Variants in HERC6 observed in about 807,000 individuals in gnomAD.
HERC6 encodes the protein probable E3 ubiquitin-protein ligase HERC6.
HERC6 carries 101 observed loss-of-function variants against 114.5 expected under a neutral mutation model. The ratio of observed to expected loss-of-function variants is 0.88; its 90% CI spans 0.75 to 1.04. The LOEUF (loss-of-function observed/expected upper bound fraction) is 1.04, where lower values mean the gene tolerates loss of function less well. Ranked by LOEUF, HERC6 falls within the 50% of genes least tolerant of loss-of-function variation. The probability of loss-of-function intolerance (pLI) is 0.00; values close to 1 mark genes in which losing one functional copy is unlikely to be tolerated. For missense variants in HERC6, 1,133 were observed against 1,230.9 expected (o/e 0.92, Z 1.19); for synonymous variants, 408 against 436.2 (o/e 0.94, Z 0.81).
rs1360093982 is a variant in HERC6 at position 88,390,676 on chromosome 4, A to G, written c.461A>G (p.Lys154Arg). The change falls in exon 4 of 23, where the codon AAG (lysine) becomes AGG (arginine). Residue 154 changes from lysine to arginine, a missense_variant. By Grantham distance (26) the Lys-to-Arg change is conservative (BLOSUM62 2). Coordinates refer to ENST00000264346, the MANE Select transcript of HERC6 (RefSeq NM_017912.4). ...GATAGCCAAGTGTTTTCGTGGGGAA[A>G]GAACAGCCATGGGCAGCTGGGCTTG... ...SKDSQVFSWGKNSHGQLGLGK... is the reference protein window; with the variant it reads ...SKDSQVFSWGRNSHGQLGLGK... 1 of 1,605,096 alleles carries G rather than the reference A, an allele frequency of 6.2e-7. No homozygotes were observed. The highest frequency in any genetic ancestry group is 2.2e-5 in the East Asian group (1 of 44,620).
intron 16 of HERC6, among the ~76,000 whole-genome samples, chr4:88,429,473 A>G (rs1004394625): frequency 5.3e-5 from 8 of 152,206 alleles, no homozygotes; most frequent in Non-Finnish European, 2.9e-5. Flanking sequence ...CTTCCACTAA[A>G]GACCTTCCAC....
chr4:88,383,772 A>T (rs1734441475), intron 2 of HERC6, among the ~76,000 whole-genome samples: 1 of 147,710 alleles, frequency 6.8e-6, no homozygotes. Context: ...TCAAAAAAAA[A>T]AAAAAAAAAA....
rs772150326 is a variant in HERC6, at chr4:88,435,808, T to A, written c.2334T>A (p.Pro778=). The part of the protein sequence containing the change: ...SLFNLNVANL[P]FPLALYKKLL... The stretch of plus-strand genomic sequence containing the variant: ...TCAATTTAAATGTTGCTAACCTTCC[T>A]TTCCCACTGGCTCTGTATAAAAAAC... The change falls in exon 18 of 23, where the codon CCT becomes CCA. Residue 778 remains proline (P), a synonymous_variant. Transcript: ENST00000264346. The A allele has an allele frequency of 1.2e-6, 2 of 1,612,578 alleles. No individual in the cohort carries two copies.
At chr4:88,436,792 T>TTATATTA in intron 18 of HERC6, 113 bp from the exon 19 acceptor site, 1 of 641,018 alleles carries the variant, frequency 1.6e-6, no homozygotes, top group Non-Finnish European at 2.5e-6. Context: ...GATAGGAAAT[T>TTATATTA]TATATTATAT....
At chr4:88,435,670 C>T in intron 17 of HERC6, 55 bp from the exon 18 acceptor site, 1 of 1,168,498 alleles carries the variant, frequency 8.6e-7, no homozygotes, top group Non-Finnish European at 1.1e-6. Flanking sequence ...TCTAATTATC[C>T]CTTTGTATTA....
chr4:88,429,463 C>T (rs1228027312), intron 16 of HERC6, among the ~76,000 whole-genome samples: 1 of 151,798 alleles, frequency 6.6e-6, no homozygotes, highest in Non-Finnish European at 1.5e-5. Flanking sequence ...CACTTAAGAC[C>T]TTCCACTAAA....
intron 15 of HERC6, among the ~76,000 whole-genome samples, chr4:88,425,135 G>A (rs1406135829): frequency 2.0e-5 from 3 of 152,078 alleles, no homozygotes; most frequent in Non-Finnish European, 4.4e-5. Context: ...TATCAGTCAG[G>A]GCACTTGGTT....
At chr4:88,421,411 G>A (rs1737033127) in intron 13 of HERC6, among the ~76,000 whole-genome samples, 1 of 151,560 alleles carries the variant, frequency 6.6e-6, no homozygotes, top group African/African-American at 2.4e-5. Flanking sequence ...AGCAATGTAT[G>A]ACAGTTCTAG....
At chr4:88,423,527 A>G (rs1485747425) in intron 13 of HERC6, among the ~76,000 whole-genome samples, 1 of 152,164 alleles carries the variant, frequency 6.6e-6, no homozygotes, top group Non-Finnish European at 1.5e-5. Context: ...TTAAGGAGCA[A>G]AGTGCTGAAT....
intron 19 of HERC6, among the ~76,000 whole-genome samples, 155 bp downstream of exon 19, chr4:88,437,126 G>A (rs187671142): frequency 6.9e-4 from 104 of 151,774 alleles, no homozygotes; most frequent in Middle Eastern, 3.4e-3. Context: ...GCGCGATCTC[G>A]GTTCACTGCA....
rs1435767280 is a variant in HERC6, at chr4:88,380,200, AAT to A, written c.199+1090_199+1091del. On this transcript the variant is annotated intron_variant, in intron 1 of 22. Coordinates refer to ENST00000264346, the MANE Select transcript of HERC6 (RefSeq NM_017912.4). ...AATATATAAATATATATATAATATA[AAT>A]ATATATATAATATATAAATATATAA... Among the ~76,000 whole-genome samples the A allele has an allele frequency of 2.6e-4, 3 of 11,340 alleles. 1 individual carries two copies. The highest frequency in any genetic ancestry group is 3.9e-3 in the Admixed American group (2 of 516). 7.4% of individuals were successfully genotyped at this position (11,340 alleles called of 152,430 possible). A position where few individuals can be genotyped will look rare whatever the true frequency, so the allele number is the denominator to read the frequency against.
chr4:88,401,204 G>A (rs1382023964), intron 8 of HERC6, among the ~76,000 whole-genome samples: 1 of 152,106 alleles, frequency 6.6e-6, no homozygotes, highest in African/African-American at 2.4e-5. Context: ...GCATAAGAAA[G>A]AGTGAATAGG....
intron 18 of HERC6, among the ~76,000 whole-genome samples, chr4:88,436,345 T>C (rs1377457030): frequency 6.6e-6 from 1 of 152,150 alleles, no homozygotes; most frequent in African/African-American, 2.4e-5. Flanking sequence ...TGTTAAAAAG[T>C]TTTTCTTACA....
chr4:88,431,270 C>A lies in HERC6; in HGVS notation c.2215C>A (p.Pro739Thr). Residue 739 changes from proline (P) to threonine (T), a missense_variant, in exon 17 of 23, where the codon CCT (proline) becomes ACT (threonine). Pro to Thr is a conservative substitution (Grantham distance 38). Coordinates refer to ENST00000264346, the MANE Select transcript of HERC6 (RefSeq NM_017912.4). Reference protein sequence around the residue: ...TKPEYGMFMYPEMGSCMWFPA... With the variant: ...TKPEYGMFMYTEMGSCMWFPA... ...GCCAGAATATGGAATGTTCATGTATCCTGAAATGGGTTCCTGCATGTGGTT... is the reference window on the plus strand; with the variant it reads ...GCCAGAATATGGAATGTTCATGTATACTGAAATGGGTTCCTGCATGTGGTT... The A allele has an allele frequency of 6.2e-7, 1 of 1,610,430 alleles. No homozygotes were observed. Among genetic ancestry groups the A allele is most frequent in the Non-Finnish European group, 8.5e-7 (1 of 1,178,786 alleles).
chr4:88,410,353 A>G (rs1224203548), intron 11 of HERC6, among the ~76,000 whole-genome samples: 1 of 152,222 alleles, frequency 6.6e-6, no homozygotes, highest in Non-Finnish European at 1.5e-5. Context: ...TAGCCTCTCC[A>G]AAAGAGGCAT....
At chr4:88,413,293 C>T (rs781303965) in intron 12 of HERC6, 27 bp downstream of exon 12, 5 of 1,552,268 alleles carry the variant, frequency 3.2e-6, no homozygotes, top group African/African-American at 2.7e-5. Flanking sequence ...TTTATCTGTA[C>T]TCTCAATATA....
chr4:88,384,362 A>T (rs974071032), intron 2 of HERC6, among the ~76,000 whole-genome samples: 1 of 152,170 alleles, frequency 6.6e-6, no homozygotes, highest in African/African-American at 2.4e-5. Flanking sequence ...GGTGGAAGAG[A>T]AGTTTTTTTC....
chr4:88,422,328 T>G (rs949816616), intron 13 of HERC6, among the ~76,000 whole-genome samples: 8 of 152,196 alleles, frequency 5.3e-5, no homozygotes, highest in African/African-American at 1.9e-4. Flanking sequence ...TTTCATTGGC[T>G]AGGACAACCA....
intron 14 of HERC6, 128 bp from the exon 15 acceptor site, chr4:88,424,467 A>T: frequency 1.4e-6 from 1 of 721,958 alleles, no homozygotes; most frequent in Non-Finnish European, 2.4e-6. Flanking sequence ...CAATAGAACA[A>T]GACTCTGCCT....
Sources: gnomAD v4.1 joint callset for allele counts (sites outside exome capture counted in the v4.1 genomes callset) on GRCh38, gnomAD v4.1.1 for gene constraint, MANE v1.5 for transcripts, NCBI Gene and HGNC (gene_info 2026-07-23, HGNC 2026-07-21) for gene names.